Variants in WWOX observed in about 807,000 individuals in gnomAD.
WWOX encodes WW domain-containing oxidoreductase.
In WWOX, 69 loss-of-function variants were observed where a neutral mutation model predicts 46.2. The ratio of observed to expected loss-of-function variants is 1.49; its 90% CI spans 1.23 to 1.82. WWOX has a LOEUF of 1.82. Among genes scored for constraint, WWOX ranks in the 40% most tolerant of loss-of-function variants. The pLI, the probability that WWOX is intolerant of heterozygous loss-of-function variation, is 0.00. For synonymous variants in WWOX, 359 were observed against 202.6 expected (o/e 1.77, Z -6.56); for missense variants, 919 against 542.6 (o/e 1.69, Z -6.89).
At chr16:78,304,857 T>G (rs1358851225) in intron 5 of WWOX, among the ~76,000 whole-genome samples, 3 of 152,194 alleles carry the variant, frequency 2.0e-5, no homozygotes, top group African/African-American at 7.2e-5. Flanking sequence ...GGTTGAACCA[T>G]TTGACACATT....
At chr16:78,141,911 A>G (rs2151708171) in intron 4 of WWOX, among the ~76,000 whole-genome samples, 1 of 152,156 alleles carries the variant, frequency 6.6e-6, no homozygotes, top group African/African-American at 2.4e-5. Flanking sequence ...TCTAAGAGCT[A>G]GGGGCAAAAT....
chr16:78,524,215 T>C (rs2043408720), intron 8 of WWOX, among the ~76,000 whole-genome samples: 1 of 152,200 alleles, frequency 6.6e-6, no homozygotes, highest in Non-Finnish European at 1.5e-5. Context: ...GTACTGCTAT[T>C]GTTAGTTTCT....
At chr16:78,111,544 C>G (rs2032490277) in intron 3 of WWOX, among the ~76,000 whole-genome samples, 1 of 152,056 alleles carries the variant, frequency 6.6e-6, no homozygotes. Context: ...GGGAAGACAC[C>G]CGTTACTTAG....
chr16:78,736,941 CG>C (rs2049106402), intron 8 of WWOX, among the ~76,000 whole-genome samples: 6 of 151,898 alleles, frequency 4.0e-5, no homozygotes, highest in African/African-American at 1.5e-4. Flanking sequence ...TTGTGTATTG[CG>C]TTATTGCCTT....
intron 6 of WWOX, among the ~76,000 whole-genome samples, chr16:78,424,119 T>G (rs1375080705): frequency 1.4e-4 from 20 of 138,512 alleles, no homozygotes; most frequent in African/African-American, 2.2e-4. Flanking sequence ...TTTTTTTTTT[T>G]GTTTTTTTTT....
At chr16:78,269,247 C>G (rs1448465653) in intron 5 of WWOX, 1 of 152,318 alleles carries the variant, frequency 6.6e-6, no homozygotes, top group East Asian at 1.9e-4. Context: ...TCAGACGTGA[C>G]TTTATGCTGC....
At chr16:78,407,128 G>C (rs928182024) in intron 6 of WWOX, among the ~76,000 whole-genome samples, 20 of 152,162 alleles carry the variant, frequency 1.3e-4, no homozygotes, top group African/African-American at 3.4e-4. Context: ...ACCAGCTCTA[G>C]CTATTTAAGC....
intron 5 of WWOX, among the ~76,000 whole-genome samples, chr16:78,359,079 T>C (rs530366637): frequency 2.2e-4 from 34 of 152,244 alleles, no homozygotes; most frequent in Admixed American, 1.1e-3. Context: ...TAAATGCAAA[T>C]AGATAATGCT....
chr16:78,810,898 C>A (rs1312385534), intron 8 of WWOX, among the ~76,000 whole-genome samples: 1 of 152,188 alleles, frequency 6.6e-6, no homozygotes, highest in Non-Finnish European at 1.5e-5. Flanking sequence ...GACAGTAATG[C>A]TGTGTGGACT....
At chr16:78,449,208 T>G (rs561220577) in intron 8 of WWOX, among the ~76,000 whole-genome samples, 2 of 152,318 alleles carry the variant, frequency 1.3e-5, no homozygotes, top group African/African-American at 4.8e-5. Context: ...GGGATCTCCA[T>G]CATGGCTGCT....
chr16:78,328,867 C>T (rs1378116678), intron 5 of WWOX, among the ~76,000 whole-genome samples: 1 of 151,492 alleles, frequency 6.6e-6, no homozygotes, highest in South Asian at 2.1e-4. Flanking sequence ...CTTTTCTCTT[C>T]TCTTCTTTTC....
intron 8 of WWOX, among the ~76,000 whole-genome samples, chr16:79,136,741 G>T (rs1290987932): frequency 6.6e-6 from 1 of 152,158 alleles, no homozygotes; most frequent in African/African-American, 2.4e-5. Context: ...TCAGCTTCCT[G>T]ACATATGGCA....
At chr16:78,219,072 T>C (rs1050375019) in intron 5 of WWOX, among the ~76,000 whole-genome samples, 4 of 152,188 alleles carry the variant, frequency 2.6e-5, no homozygotes, top group African/African-American at 9.6e-5. Context: ...ATAAAGGAAG[T>C]TGCGCTTGAG....
Position 78,837,766 on chromosome 16 carries a change from T to C in WWOX, c.1057-373842T>C, listed in dbSNP as rs184697454. On this transcript the variant is annotated intron_variant, in intron 8 of 8. Coordinates refer to ENST00000566780, the MANE Select transcript of WWOX (RefSeq NM_016373.4). ...TAATTTGTAATAACAATAGCCACCA[T>C]CTATCTATACTTCCTAGATTTGGGC... Among the ~76,000 whole-genome samples, 170 of 152,352 alleles carry C rather than the reference T, an allele frequency of 1.1e-3. 2 individuals carry two copies. The East Asian group carries it at 0.031, about 28-fold the overall frequency.
At chr16:78,813,757 A>T (rs1156617221) in intron 8 of WWOX, among the ~76,000 whole-genome samples, 2 of 152,108 alleles carry the variant, frequency 1.3e-5, no homozygotes, top group African/African-American at 2.4e-5. Context: ...TTTGTTTGTC[A>T]TATGTCAGAC....
rs77825169 is a variant in WWOX, at chr16:78,714,895, G to A, written c.1056+282143G>A. 8.3e-3 allele frequency among the ~76,000 whole-genome samples: 1,264 copies of A among 152,282 alleles called. 23 individuals are homozygous for A. The highest frequency in any genetic ancestry group is 0.028 in the African/African-American group (1,181 of 41,568). On this transcript the variant is annotated intron_variant, in intron 8 of 8. Coordinates refer to ENST00000566780, the MANE Select transcript of WWOX (RefSeq NM_016373.4). ...GATTGATAAGACATGGAATGATATG[G>A]TGTGATATATGAAATGACATGTTTG...
intron 5 of WWOX, among the ~76,000 whole-genome samples, chr16:78,304,755 A>C (rs1422135669): frequency 6.6e-6 from 1 of 152,186 alleles, no homozygotes; most frequent in South Asian, 2.1e-4. Context: ...TCCTGTCAAC[A>C]TGTATCACTG....
chr16:78,486,913 G>C (rs2084652299), intron 8 of WWOX, among the ~76,000 whole-genome samples: 1 of 152,196 alleles, frequency 6.6e-6, no homozygotes, highest in Non-Finnish European at 1.5e-5. Context: ...TTCGGGTGAA[G>C]TTGATGATCT....
At chr16:78,860,246 AG>A (rs1437566301) in intron 8 of WWOX, among the ~76,000 whole-genome samples, 1 of 152,214 alleles carries the variant, frequency 6.6e-6, no homozygotes, top group Non-Finnish European at 1.5e-5. Flanking sequence ...ATTCCACTAT[AG>A]TAGATGCTTA....
Sources: gnomAD v4.1 joint callset for allele counts (sites outside exome capture counted in the v4.1 genomes callset) on GRCh38, gnomAD v4.1.1 for gene constraint, MANE v1.5 for transcripts, NCBI Gene and HGNC (gene_info 2026-07-23, HGNC 2026-07-21) for gene names.